The following CDH18 variants were observed in gnomAD, a reference collection of about 807,000 sequenced individuals.
CDH18 encodes cadherin 18, also known as cadherin-18.
CDH18 carries 31 observed loss-of-function variants against 67.9 expected under a neutral mutation model. The ratio of observed to expected loss-of-function variants is 0.46; its 90% confidence interval spans 0.34 to 0.62. The LOEUF (loss-of-function observed/expected upper bound fraction) is 0.62, where lower values mean the gene tolerates loss of function less well. Ranked by LOEUF, CDH18 falls within the 20% of genes least tolerant of loss-of-function variation. The pLI is 0.01. For missense variants in CDH18, 890 were observed against 975.5 expected (o/e 0.91, Z 1.17); for synonymous variants, 362 against 347.2 (o/e 1.04, Z -0.48).
intron 1 of CDH18, among the ~76,000 whole-genome samples, chr5:20,438,281 T>A (rs1473232852): frequency 6.6e-6 from 1 of 150,862 alleles, no homozygotes; most frequent in Non-Finnish European, 1.5e-5. Context: ...TATTTGTGTG[T>A]GTGTTTGTGG....
At chr5:20,115,075 T>TA (rs1415871745) in intron 2 of CDH18, among the ~76,000 whole-genome samples, 2 of 152,014 alleles carry the variant, frequency 1.3e-5, no homozygotes, top group African/African-American at 4.8e-5. Context: ...ATTTATTTCT[T>TA]ACAGTTCTGG....
chr5:20,296,661 T>G (rs1330681670), intron 1 of CDH18, among the ~76,000 whole-genome samples: 1 of 152,174 alleles, frequency 6.6e-6, no homozygotes, highest in East Asian at 1.9e-4. Context: ...AACTATGCTA[T>G]AAGTAAACTA....
intron 1 of CDH18, among the ~76,000 whole-genome samples, chr5:20,354,464 C>T (rs1210047529): frequency 6.6e-6 from 1 of 152,172 alleles, no homozygotes; most frequent in Non-Finnish European, 1.5e-5. Flanking sequence ...ACCCCGGCTG[C>T]AGTACAGTGG....
At chr5:20,221,654 T>C (rs1387865781) in intron 2 of CDH18, among the ~76,000 whole-genome samples, 1 of 152,152 alleles carries the variant, frequency 6.6e-6, no homozygotes, top group Non-Finnish European at 1.5e-5. Flanking sequence ...GAATACATTC[T>C]TGAGGTGATG....
At chr5:20,574,038 A>T (rs1046202512) in intron 1 of CDH18, among the ~76,000 whole-genome samples, 6 of 150,532 alleles carry the variant, frequency 4.0e-5, no homozygotes, top group Non-Finnish European at 8.9e-5. Context: ...TCTACTTCCT[A>T]AGACCAACTG....
intron 2 of CDH18, among the ~76,000 whole-genome samples, chr5:20,190,052 G>A (rs145841567): frequency 1.4e-4 from 21 of 152,222 alleles, no homozygotes; most frequent in African/African-American, 4.6e-4. Context: ...TAGAGCTTCT[G>A]CAGCAGCAGA....
At position 19,472,985 on chromosome 5, in the gene CDH18, A is replaced by C. The variant is rs1737787698; in HGVS notation, c.*241T>G. The C allele has an allele frequency of 4.6e-6, 2 of 432,308 alleles. No individual in the cohort carries two copies. The highest frequency in any genetic ancestry group is 8.2e-6 in the Non-Finnish European group (2 of 242,806). 26.8% of individuals were successfully genotyped at this position (432,308 alleles called of 1,614,324 possible). ...AACAGTACCACAGACTTTATTGAGC[A>C]ATTGAAAATATACACAAGGAACAAT... On this transcript the variant is annotated 3_prime_UTR_variant, in exon 13 of 13. Transcript: ENST00000382275.
At chr5:19,953,171 C>A (rs981664385) in intron 2 of CDH18, among the ~76,000 whole-genome samples, 1 of 151,800 alleles carries the variant, frequency 6.6e-6, no homozygotes, top group Admixed American at 6.6e-5. Context: ...TCAACTAGAT[C>A]CTAAAGTCTA....
At chr5:20,295,764 T>G (rs945684254) in intron 1 of CDH18, among the ~76,000 whole-genome samples, 3 of 152,244 alleles carry the variant, frequency 2.0e-5, no homozygotes, top group East Asian at 3.9e-4. Flanking sequence ...AAGATTTGAT[T>G]GTATATATGT....
chr5:19,909,627 T>C (rs1790913371), intron 2 of CDH18, among the ~76,000 whole-genome samples: 3 of 152,062 alleles, frequency 2.0e-5, no homozygotes. Context: ...TGAATGCTTT[T>C]ATTATATTAA....
intron 2 of CDH18, among the ~76,000 whole-genome samples, chr5:20,004,613 T>G: frequency 6.6e-6 from 1 of 152,224 alleles, no homozygotes; most frequent in Admixed American, 6.5e-5. Context: ...AATTATTAAC[T>G]TTGGAAATGA....
In CDH18 at chr5:19,895,315, A is replaced by ATTCTT. The variant is rs1561520355; in HGVS notation, c.-256-56074_-256-56073insAAGAA. Among the ~76,000 whole-genome samples, 22 of 152,332 alleles carry ATTCTT rather than the reference A, an allele frequency of 1.4e-4. No homozygotes were observed. In the East Asian group the frequency reaches 3.9e-3, roughly 27 times the overall value. On this transcript the variant is annotated intron_variant, in intron 2 of 12. Transcript: ENST00000382275. ...CCAGGAAGTATAAGAAGAAGCCACA[A>ATTCTT]ATGCTGAGCTTGATCTTGTTTAAGG...
intron 12 of CDH18, among the ~76,000 whole-genome samples, chr5:19,477,045 A>G (rs1270241652): frequency 6.6e-6 from 1 of 151,130 alleles, no homozygotes; most frequent in Non-Finnish European, 1.5e-5. Context: ...TCCCCAGAAA[A>G]GGTAGTATTT....
At chr5:19,478,437 T>G (rs1579677959) in intron 12 of CDH18, 1 of 152,300 alleles carries the variant, frequency 6.6e-6, no homozygotes, top group Admixed American at 6.5e-5. Flanking sequence ...CTCTGAAACC[T>G]TAGATTTTTA....
At chr5:20,389,418 C>T (rs149505375) in intron 1 of CDH18, among the ~76,000 whole-genome samples, 3,429 of 152,136 alleles carry the variant, frequency 0.023, 88 homozygotes, top group African/African-American at 0.059. Flanking sequence ...GATCTTCCTC[C>T]ATCCCTTTAT....
chr5:19,666,942 T>A (rs955348958), intron 5 of CDH18, among the ~76,000 whole-genome samples: 8 of 152,054 alleles, frequency 5.3e-5, no homozygotes, highest in Admixed American at 3.3e-4. Context: ...AAAGGAAAAA[T>A]TAATTCAGCA....
intron 8 of CDH18, among the ~76,000 whole-genome samples, chr5:19,557,754 A>G (rs1349695389): frequency 6.6e-6 from 1 of 152,108 alleles, no homozygotes; most frequent in African/African-American, 2.4e-5. Flanking sequence ...AAAGTCAACA[A>G]AGAAACAATA....
intron 1 of CDH18, among the ~76,000 whole-genome samples, chr5:20,280,238 T>C (rs1043652566): frequency 1.3e-5 from 2 of 152,124 alleles, no homozygotes; most frequent in African/African-American, 4.8e-5. Context: ...CTTTAAGTTT[T>C]AGGGTACATG....
chr5:20,345,054 C>T (rs543030020), intron 1 of CDH18, among the ~76,000 whole-genome samples: 2 of 152,218 alleles, frequency 1.3e-5, no homozygotes, highest in East Asian at 3.9e-4. Flanking sequence ...CCCTTATCTG[C>T]CAAAGCCATT....
Sources: allele counts gnomAD v4.1 joint callset (sites outside exome capture counted in the v4.1 genomes callset), GRCh38; gene constraint gnomAD v4.1.1; transcripts MANE v1.5; gene names NCBI Gene and HGNC (gene_info 2026-07-23, HGNC 2026-07-21).